The following PLEC variants were observed in gnomAD, a reference collection of about 807,000 sequenced individuals.
PLEC encodes the protein plectin.
PLEC carries 216 observed loss-of-function variants against 392.8 expected under a neutral mutation model. The ratio of observed to expected loss-of-function variants is 0.55; its 90% CI spans 0.49 to 0.62. PLEC has a LOEUF of 0.62. Ranked by LOEUF, PLEC falls within the 20% of genes least tolerant of loss-of-function variation. PLEC has a pLI of 0.00. For missense variants in PLEC, 6,863 were observed against 6,563.4 expected (o/e 1.05, Z -1.58); for synonymous variants, 3,621 against 2,980.6 (o/e 1.21, Z -7.00).
At chr8:143,939,319 T>G (rs1554726519) in intron 1 of PLEC, 31 bp downstream of exon 1, 1 of 1,597,664 alleles carries the variant, frequency 6.3e-7, no homozygotes, top group East Asian at 2.3e-5. Flanking sequence ...CCGCCCTGCC[T>G]GGCGGGGGTG....
chr8:143,974,352 G>A (rs1833582540), upstream of PLEC, among the ~76,000 whole-genome samples: 1 of 152,278 alleles, frequency 6.6e-6, no homozygotes, highest in Non-Finnish European at 1.5e-5. The surrounding 1 kb of genome is among the most constrained non-coding windows in gnomAD (Gnocchi z 5.9). Context: ...CGACACAAGT[G>A]ATTCCCTTTC....
In PLEC at chr8:143,932,575, G is replaced by A. The variant is rs1554717445; in HGVS notation, c.1816-14C>T. 1 of 1,612,304 alleles carries A rather than the reference G, an allele frequency of 6.2e-7. No individual in the cohort carries two copies. Among genetic ancestry groups the A allele is most frequent in the Non-Finnish European group, 8.5e-7 (1 of 1,179,924 alleles). ...CTTGGAGGAGTTCTGTGGGCAGGAGGGTGCGTGTCAGCAGGCCGCGGGCTA... is the reference window on the plus strand; with the variant it reads ...CTTGGAGGAGTTCTGTGGGCAGGAGAGTGCGTGTCAGCAGGCCGCGGGCTA... On this transcript the variant is annotated splice_polypyrimidine_tract_variant and intron_variant, in intron 15 of 31. Transcript: ENST00000345136.
chr8:143,919,456 C>T lies in PLEC; in HGVS notation c.10365G>A (p.Leu3455=), dbSNP rs1554678327. The change falls in exon 32 of 32, where the codon CTG becomes CTA. Residue 3455 remains leucine (L), a synonymous_variant. Transcript: ENST00000345136. ...GGCGGATGCCGTGCTGCCGGAGAAC[C>T]AGGCCCTTCTGCATGGCCTGGAAGA... ...ISLFQAMQKG[L]VLRQHGIRLL... 6.2e-7 allele frequency: 1 copy of T among 1,613,334 alleles called. No individual in the cohort carries two copies. The highest frequency in any genetic ancestry group is 2.2e-5 in the East Asian group (1 of 44,882).
At chr8:143,953,968 A>AC, upstream of PLEC, 1 of 1,298,582 alleles carries the variant, frequency 7.7e-7, no homozygotes, top group Non-Finnish European at 1.0e-6. Flanking sequence ...CGCACCGCGC[A>AC]CCCCTCCCCC....
At chr8:143,946,616 G>A (rs1299008005) in intron 1 of PLEC, 4 of 311,056 alleles carry the variant, frequency 1.3e-5, no homozygotes, top group African/African-American at 2.3e-5. Flanking sequence ...TGGCCTGCCT[G>A]CAATCCCAGA....
chr8:143,933,428 CCCTCAGCCGCTTCCTCAG>C (rs1828005036), intron 12 of PLEC, 77 bp from the exon 13 acceptor site: 3 of 1,564,666 alleles, frequency 1.9e-6, no homozygotes, highest in African/African-American at 2.7e-5. Flanking sequence ...AAGACGGCCA[CCCTCAGCCGCTTCCTCAG>C]CCTCAGTGGG....
chr8:143,942,190 T>C, upstream of PLEC, among the ~76,000 whole-genome samples: 1 of 138,754 alleles, frequency 7.2e-6, no homozygotes, highest in Non-Finnish European at 1.6e-5. Context: ...CAGCCCCTTC[T>C]CTAGAGACAA....
At chr8:143,966,009 A>G (rs1341149969) in intron 1 of PLEC, among the ~76,000 whole-genome samples, 7 of 151,964 alleles carry the variant, frequency 4.6e-5, no homozygotes, top group Non-Finnish European at 1.0e-4. Flanking sequence ...ACCCTGCTGG[A>G]CCCACCATAG....
At chr8:143,934,234 G>A (rs1828296974) in intron 11 of PLEC, 84 bp downstream of exon 11, 20 of 1,595,656 alleles carry the variant, frequency 1.3e-5, no homozygotes, top group Non-Finnish European at 1.7e-5. Flanking sequence ...TCCCCCGCCG[G>A]GGGCGGGGCG....
Position 143,917,487 on chromosome 8 carries a change from G to C in PLEC, c.12334C>G (p.Pro4112Ala). Residue 4112 changes from proline (P) to alanine (A), a missense_variant, in exon 32 of 32, where the codon CCC (proline) becomes GCC (alanine). Transcript: ENST00000345136. ...GGCAAGAGACACAGGCCCGTCTGGG[G>C]GTCAGTGATACAACGCTCCATCAGC... ...LQLMERCITD[P>A]QTGLCLLPLK... The C allele has an allele frequency of 6.2e-7, 1 of 1,613,872 alleles. No individual in the cohort carries two copies. The highest frequency in any genetic ancestry group is 1.1e-5 in the South Asian group (1 of 91,076).
chr8:143,934,899 C>G lies in PLEC; in HGVS notation c.856G>C (p.Glu286Gln), dbSNP rs1163968670. The change falls in exon 9 of 32, where the codon GAG becomes CAG. Residue 286 changes from glutamate to glutamine, a missense_variant. Physicochemically the swap from Glu to Gln is conservative, Grantham distance 29. Transcript: ENST00000345136. The part of the protein sequence containing the change: ...ELQLRWQEYR[E>Q]LVLLLLQWMR... ...CACTGAAGCAGCAGCAGCACCAGCTCCCGGTACTCCTGCCAGCGCAGCTGC... is the reference window on the plus strand; with the variant it reads ...CACTGAAGCAGCAGCAGCACCAGCTGCCGGTACTCCTGCCAGCGCAGCTGC... 13 of 1,611,364 alleles carry G rather than the reference C, an allele frequency of 8.1e-6. No homozygotes were observed. The highest frequency in any genetic ancestry group is 1.0e-5 in the Non-Finnish European group (12 of 1,179,778).
upstream of PLEC, among the ~76,000 whole-genome samples, chr8:143,956,958 C>T (rs954497020): frequency 1.3e-5 from 2 of 152,190 alleles, no homozygotes; most frequent in Non-Finnish European, 2.9e-5. Context: ...TATGTGGGGA[C>T]GGGCCGCAGG....
intron 1 of PLEC, among the ~76,000 whole-genome samples, chr8:143,961,817 T>C (rs1378981363): frequency 6.6e-6 from 1 of 152,150 alleles, no homozygotes; most frequent in Admixed American, 6.5e-5. Flanking sequence ...TAAAGAACAC[T>C]GTGCATGCTT....
rs782142401 is a variant in PLEC at position 143,915,777 on chromosome 8, C to T, written c.*400G>A. 1.0e-4 allele frequency: 16 copies of T among 157,996 alleles called. No homozygotes were observed. Among genetic ancestry groups the T allele is most frequent in the South Asian group, 2.0e-4 (1 of 5,122 alleles). The allele number at this position is 157,996 out of a possible 1,614,324, so 9.8% of individuals were successfully genotyped here. On this transcript the variant is annotated 3_prime_UTR_variant, in exon 32 of 32. Transcript: ENST00000345136. ...GCCCCCCGTCCCCAGCAAGGCCCAC[C>T]GTGCAGGCCAGTGCTAGAAACACCA...
rs1822204419 is a variant in PLEC, at chr8:143,920,445, G to A, written c.9376C>T (p.Pro3126Ser). The A allele has an allele frequency of 3.1e-6, 5 of 1,600,050 alleles. No homozygotes were observed. The highest frequency in any genetic ancestry group is 2.2e-5 in the East Asian group (1 of 44,688). Residue 3126 changes from proline to serine, a missense_variant, in exon 32 of 32, where the codon CCC becomes TCC. Transcript: ENST00000345136. Reference protein sequence around the residue: ...LFQALKKGLIPREQGLRLLDA... With the variant: ...LFQALKKGLISREQGLRLLDA... Reference sequence around the variant, plus strand: ...AACAGGCGCAGGCCCTGCTCCCGGGGAATGAGGCCCTTCTTCAGGGCCTGG... The same window carrying A: ...AACAGGCGCAGGCCCTGCTCCCGGGAAATGAGGCCCTTCTTCAGGGCCTGG...
chr8:143,917,115 G>C lies in PLEC; in HGVS notation c.12706C>G (p.Leu4236Val), dbSNP rs1554671068. Residue 4236 changes from leucine (L) to valine (V), a missense_variant, in exon 32 of 32, where the codon CTC becomes GTC. Coordinates refer to ENST00000345136, the MANE Select transcript of PLEC (RefSeq NM_201384.3). ...CGGAAACCACCGGCGTTGCCCGAGA[G>C]CATGTCGGCGAACTCGGTGATGGAG... ...TLSITEFADM[L>V]SGNAGGFRSR... The C allele has an allele frequency of 6.2e-7, 1 of 1,604,798 alleles. No individual in the cohort carries two copies.
In PLEC at chr8:143,922,620, G is replaced by A. The variant is rs782499772; in HGVS notation, c.7309C>T (p.Gln2437Ter). 13 of 1,613,532 alleles carry A rather than the reference G, an allele frequency of 8.1e-6. No individual in the cohort carries two copies. Among genetic ancestry groups the A allele is most frequent in the Non-Finnish European group, 2.5e-6 (3 of 1,179,996 alleles). ...GCATCATGGTCACTCTGCTGTCGCT[G>A]GATCTCCAGTGTCTGCACCAGGGTC... ...KVTLVQTLEI[Q>*]RQQSDHDAER... The change falls in exon 31 of 32, where the codon CAG becomes TAG. Residue 2437 changes from glutamine to a stop codon, truncating the protein, a stop_gained. Transcript: ENST00000345136. LOFTEE classifies it high-confidence loss of function.
rs1554686799 is a variant in PLEC, at chr8:143,921,706, G to T, written c.8115C>A (p.Ala2705=). 4 of 1,613,040 alleles carry T rather than the reference G, an allele frequency of 2.5e-6. No individual in the cohort carries two copies. In the East Asian group the frequency reaches 6.7e-5, roughly 27 times the overall value. The change falls in exon 32 of 32, where the codon GCC becomes GCA. Residue 2705 remains alanine, a synonymous_variant. Transcript: ENST00000345136. Reference sequence around the variant, plus strand: ...CGTAAACACTCAGCTTCTCATTGGTGGCCTTCAGCAACAGCCCTGCGATAC... The same window carrying T: ...CGTAAACACTCAGCTTCTCATTGGTTGCCTTCAGCAACAGCCCTGCGATAC... ...RSSIAGLLLK[A]TNEKLSVYAA...
upstream of PLEC, chr8:143,975,304 C>T: frequency 6.3e-7 from 1 of 1,585,892 alleles, no homozygotes; most frequent in Non-Finnish European, 8.5e-7. The surrounding 1 kb of genome is among the most constrained non-coding windows in gnomAD (Gnocchi z 9.9). Context: ...CAGGGCTGGG[C>T]GAGCCACTGC....
Sources: allele counts gnomAD v4.1 joint callset (sites outside exome capture counted in the v4.1 genomes callset), GRCh38; gene constraint gnomAD v4.1.1; non-coding constraint Gnocchi (gnomAD v3.1); transcripts MANE v1.5; gene names NCBI Gene and HGNC (gene_info 2026-07-23, HGNC 2026-07-21).